WDR70: variants seen among roughly 807,000 people sequenced by gnomAD.
WDR70 encodes the protein WD repeat-containing protein 70.
In WDR70, 53 loss-of-function variants were observed where a neutral mutation model predicts 88.6. That is an observed-to-expected ratio of 0.60 (90% CI 0.48 to 0.75). WDR70 has a LOEUF of 0.75. Among genes scored for constraint, WDR70 ranks in the 30% least tolerant of loss-of-function variants. WDR70 has a pLI of 0.00. For synonymous variants in WDR70, 280 were observed against 270.0 expected (o/e 1.04, Z -0.36); for missense variants, 610 against 823.2 (o/e 0.74, Z 3.17).
intron 9 of WDR70, among the ~76,000 whole-genome samples, chr5:37,555,899 A>G (rs1742282877): frequency 6.6e-6 from 1 of 152,024 alleles, no homozygotes; most frequent in African/African-American, 2.4e-5. Flanking sequence ...TTATGTTTTT[A>G]GTAGAGATGG....
At chr5:37,646,049 C>T (rs568135020) in intron 10 of WDR70, among the ~76,000 whole-genome samples, 1 of 151,444 alleles carries the variant, frequency 6.6e-6, no homozygotes, top group East Asian at 1.9e-4. Flanking sequence ...TCCTTCTTTC[C>T]TTCTTTCTTT....
chr5:37,400,231 G>A (rs544543700), intron 5 of WDR70, among the ~76,000 whole-genome samples: 1 of 152,110 alleles, frequency 6.6e-6, no homozygotes, highest in Non-Finnish European at 1.5e-5. Context: ...ACTGCACCTG[G>A]CCAGAATACA....
chr5:37,566,870 A>G (rs763765581), intron 9 of WDR70, among the ~76,000 whole-genome samples: 1 of 152,192 alleles, frequency 6.6e-6, no homozygotes, highest in African/African-American at 2.4e-5. Flanking sequence ...ATAGTTCACC[A>G]GGGATTTAGT....
Position 37,413,299 on chromosome 5 carries a change from A to G in WDR70, c.492+16729A>G, listed in dbSNP as rs1749581792. On this transcript the variant is annotated intron_variant, in intron 5 of 17. Coordinates refer to ENST00000265107, the MANE Select transcript of WDR70 (RefSeq NM_018034.4). ...GAATCTTTTATAAATAATGTCTTCTACAGACTGGAACAAGTGAGTTTGAGA... is the reference window on the plus strand; with the variant it reads ...GAATCTTTTATAAATAATGTCTTCTGCAGACTGGAACAAGTGAGTTTGAGA... 2.0e-5 allele frequency among the ~76,000 whole-genome samples: 3 copies of G among 152,234 alleles called. 1 individual carries two copies. The South Asian group carries it at 6.2e-4, about 31-fold the overall frequency.
chr5:37,546,748 G>A (rs373759013), intron 9 of WDR70, among the ~76,000 whole-genome samples: 8 of 151,948 alleles, frequency 5.3e-5, no homozygotes, highest in Admixed American at 2.6e-4. Context: ...GTGAAACCCC[G>A]TCTCTACTAA....
intron 9 of WDR70, among the ~76,000 whole-genome samples, chr5:37,569,230 A>G (rs566263862): frequency 6.6e-6 from 1 of 152,196 alleles, no homozygotes; most frequent in Non-Finnish European, 1.5e-5. Flanking sequence ...TTAAGCTACT[A>G]GGTTTGGGGT....
intron 7 of WDR70, among the ~76,000 whole-genome samples, chr5:37,448,393 A>G (rs1020336857): frequency 2.0e-5 from 3 of 152,042 alleles, no homozygotes; most frequent in Admixed American, 2.0e-4. Context: ...TAGAGACCAA[A>G]TCTGGTTGCT....
At chr5:37,553,145 C>G (rs1289943370) in intron 9 of WDR70, among the ~76,000 whole-genome samples, 2 of 152,170 alleles carry the variant, frequency 1.3e-5, no homozygotes, top group African/African-American at 2.4e-5. Context: ...ACAGAGTAAA[C>G]TTGATAGTTG....
At chr5:37,579,986 G>A (rs903538204) in intron 9 of WDR70, among the ~76,000 whole-genome samples, 6 of 151,954 alleles carry the variant, frequency 3.9e-5, no homozygotes, top group Admixed American at 3.3e-4. Context: ...GAGGTCATAC[G>A]CTTCTTGGAA....
At chr5:37,514,339 C>CATATATATATATATATATAT (rs70978826) in intron 8 of WDR70, among the ~76,000 whole-genome samples, 1,594 of 28,596 alleles carry the variant, frequency 0.056, 397 homozygotes, top group Non-Finnish European at 0.12. Context: ...TTTAGAACTA[C>CATATATATATATATATATAT]ATATATATAT....
At chr5:37,741,359 G>A (rs1449052005) in intron 17 of WDR70, among the ~76,000 whole-genome samples, 1 of 150,656 alleles carries the variant, frequency 6.6e-6, no homozygotes, top group African/African-American at 2.5e-5. Flanking sequence ...CATTCACATT[G>A]TTGTGCAAAC....
At chr5:37,726,804 A>G (rs1747982314) in intron 16 of WDR70, 79 bp from the exon 17 acceptor site, 1 of 1,377,344 alleles carries the variant, frequency 7.3e-7, no homozygotes. Context: ...GTGCTCAGAT[A>G]AGTACAGTGT....
At chr5:37,388,120 T>A (rs569922813) in intron 3 of WDR70, among the ~76,000 whole-genome samples, 10 of 151,678 alleles carry the variant, frequency 6.6e-5, no homozygotes, top group Admixed American at 5.9e-4. Flanking sequence ...GAAATACAAA[T>A]TTTTTTTTCT....
At chr5:37,391,966 GA>G (rs766715982) in intron 3 of WDR70, 33 bp from the exon 4 acceptor site, 6 of 1,580,114 alleles carry the variant, frequency 3.8e-6, no homozygotes, top group Non-Finnish European at 2.6e-6. Flanking sequence ...TAACCGTTGG[GA>G]TTTTTTTGTT....
chr5:37,631,903 G>GTA (rs1744829247), intron 10 of WDR70, among the ~76,000 whole-genome samples: 2 of 152,208 alleles, frequency 1.3e-5, no homozygotes, highest in South Asian at 4.1e-4. Context: ...TACCAGCAGA[G>GTA]CCGGGTGAGT....
intron 8 of WDR70, chr5:37,505,883 C>A: frequency 5.9e-6 from 8 of 1,351,414 alleles, no homozygotes; most frequent in Middle Eastern, 2.5e-4. Context: ...TAGCCACTCT[C>A]AAGTTAATTC....
chr5:37,620,822 G>A (rs10941353), intron 10 of WDR70, among the ~76,000 whole-genome samples: 71,315 of 151,946 alleles, frequency 0.47, 18,190 homozygotes, highest in Non-Finnish European at 0.58. Context: ...TAAAGCCTAC[G>A]CTTTGAAAAC....
intron 7 of WDR70, among the ~76,000 whole-genome samples, chr5:37,464,917 GC>G (rs1739111241): frequency 6.6e-6 from 1 of 152,170 alleles, no homozygotes; most frequent in African/African-American, 2.4e-5. Context: ...CTAACATCAT[GC>G]CAGCTAGCAA....
intron 10 of WDR70, among the ~76,000 whole-genome samples, chr5:37,678,117 A>G (rs13159440): frequency 6.6e-6 from 1 of 151,930 alleles, no homozygotes; most frequent in Non-Finnish European, 1.5e-5. Context: ...TTTTGAGCCT[A>G]TATGTGTCTC....
Sources: allele counts gnomAD v4.1 joint callset (sites outside exome capture counted in the v4.1 genomes callset), GRCh38; gene constraint gnomAD v4.1.1; transcripts MANE v1.5; gene names NCBI Gene and HGNC (gene_info 2026-07-23, HGNC 2026-07-21).